The following ARL15 variants were observed in gnomAD, a reference collection of about 807,000 sequenced individuals.
The protein encoded by ARL15 is ADP-ribosylation factor-like protein 15.
In ARL15, 19 loss-of-function variants were observed where a neutral mutation model predicts 25.2. That is an observed-to-expected ratio of 0.75 (90% CI 0.53 to 1.10). The LOEUF (loss-of-function observed/expected upper bound fraction) is 1.10, where lower values mean the gene tolerates loss of function less well. Ranked by LOEUF, ARL15 falls within the 50% of genes least tolerant of loss-of-function variation. The pLI, the probability that ARL15 is intolerant of heterozygous loss-of-function variation, is 0.00. For missense variants in ARL15, 220 were observed against 246.0 expected, an observed-to-expected ratio of 0.89 and a Z score of 0.71; for synonymous variants, 94 against 86.8, an observed-to-expected ratio of 1.08 and a Z score of -0.46.
chr5:54,261,423 C>T (rs1328813101), intron 1 of ARL15, among the ~76,000 whole-genome samples: 1 of 152,002 alleles, frequency 6.6e-6, no homozygotes, highest in African/African-American at 2.4e-5. Flanking sequence ...TCGGTAGATT[C>T]CTGAAGGGTC....
At chr5:54,274,819 G>C (rs542362440) in intron 1 of ARL15, among the ~76,000 whole-genome samples, 1 of 152,188 alleles carries the variant, frequency 6.6e-6, no homozygotes, top group East Asian at 1.9e-4. Flanking sequence ...GCTTGAACCC[G>C]GGAGGCAGGG....
At chr5:54,267,547 A>G (rs1757662291) in intron 1 of ARL15, among the ~76,000 whole-genome samples, 2 of 152,186 alleles carry the variant, frequency 1.3e-5, no homozygotes, top group Admixed American at 6.5e-5. Context: ...CTTGTTATAA[A>G]TATCCAGATT....
intron 1 of ARL15, among the ~76,000 whole-genome samples, chr5:54,299,260 T>C (rs1303944303): frequency 2.6e-5 from 4 of 152,178 alleles, no homozygotes; most frequent in Non-Finnish European, 4.4e-5. Context: ...GCATGTATAC[T>C]ACACGCCAGC....
chr5:54,089,145 G>A (rs1002565909), intron 4 of ARL15, among the ~76,000 whole-genome samples: 1 of 152,156 alleles, frequency 6.6e-6, no homozygotes, highest in Non-Finnish European at 1.5e-5. Context: ...CCCGCCTCAG[G>A]AAGCTGGCTC....
At chr5:53,900,223 C>T (rs2111935452) in intron 4 of ARL15, among the ~76,000 whole-genome samples, 2 of 152,268 alleles carry the variant, frequency 1.3e-5, no homozygotes, top group East Asian at 3.9e-4. Context: ...CCGCAGGATA[C>T]AAATGCTGAA....
At chr5:53,907,489 T>TATATATTTTTG (rs1554025337) in intron 4 of ARL15, among the ~76,000 whole-genome samples, 25 of 16,942 alleles carry the variant, frequency 1.5e-3, no homozygotes, top group African/African-American at 7.0e-3. Context: ...TATATATATA[T>TATATATTTTTG]TTTTTTTTTT....
chr5:53,923,214 T>C (rs1203111427), intron 4 of ARL15, among the ~76,000 whole-genome samples: 1 of 152,124 alleles, frequency 6.6e-6, no homozygotes, highest in Non-Finnish European at 1.5e-5. Context: ...ATGGAACTCC[T>C]GAAACTCAAA....
At chr5:54,179,091 G>T (rs759699939) in intron 1 of ARL15, among the ~76,000 whole-genome samples, 8 of 152,176 alleles carry the variant, frequency 5.3e-5, no homozygotes. Context: ...CGTGGAACAG[G>T]ATTCAAACCC....
At chr5:54,105,031 C>T (rs1429934612) in intron 4 of ARL15, among the ~76,000 whole-genome samples, 2 of 151,230 alleles carry the variant, frequency 1.3e-5, no homozygotes, top group South Asian at 2.1e-4. Context: ...AAAGCAGACA[C>T]TATGTAATAA....
At chr5:54,077,391 G>C (rs1206604164) in intron 4 of ARL15, among the ~76,000 whole-genome samples, 1 of 152,150 alleles carries the variant, frequency 6.6e-6, no homozygotes, top group Non-Finnish European at 1.5e-5. Flanking sequence ...TTAATCACTA[G>C]AGAGATTATA....
At chr5:54,097,722 A>G (rs1006637956) in intron 4 of ARL15, among the ~76,000 whole-genome samples, 2 of 152,228 alleles carry the variant, frequency 1.3e-5, no homozygotes, top group African/African-American at 4.8e-5. Flanking sequence ...AAGGAGTAAA[A>G]GAAGAATAAG....
intron 3 of ARL15, among the ~76,000 whole-genome samples, chr5:54,153,952 C>A (rs244643): frequency 2.6e-5 from 4 of 151,972 alleles, no homozygotes; most frequent in African/African-American, 4.8e-5. Context: ...TATTTTCATG[C>A]GCCATTAGAG....
intron 4 of ARL15, among the ~76,000 whole-genome samples, chr5:53,918,806 C>T (rs1745744658): frequency 6.8e-6 from 1 of 147,544 alleles, no homozygotes; most frequent in Non-Finnish European, 1.5e-5. Context: ...TGAAATATAT[C>T]TTATAATTTG....
intron 4 of ARL15, among the ~76,000 whole-genome samples, chr5:54,099,627 C>G (rs1397619126): frequency 6.6e-6 from 1 of 152,062 alleles, no homozygotes; most frequent in Non-Finnish European, 1.5e-5. Flanking sequence ...AAAAAGCACT[C>G]CCATGACACT....
At chr5:54,157,534 C>T (rs1754275752) in intron 2 of ARL15, among the ~76,000 whole-genome samples, 1 of 152,108 alleles carries the variant, frequency 6.6e-6, no homozygotes, top group Non-Finnish European at 1.5e-5. Context: ...GCCTCAGCCT[C>T]CTGAGTAGCC....
chr5:54,284,248 A>C (rs956603327), intron 1 of ARL15, among the ~76,000 whole-genome samples: 1 of 152,070 alleles, frequency 6.6e-6, no homozygotes. Flanking sequence ...GGATTACAGG[A>C]GCATGCCACC....
chr5:54,198,975 C>G (rs1045329353), intron 1 of ARL15, among the ~76,000 whole-genome samples: 1 of 151,698 alleles, frequency 6.6e-6, no homozygotes, highest in Non-Finnish European at 1.5e-5. Flanking sequence ...CAGAACAGAG[C>G]CCTCAGAAAT....
At chr5:54,082,623 G>A (rs1034361287) in intron 4 of ARL15, among the ~76,000 whole-genome samples, 29 of 152,104 alleles carry the variant, frequency 1.9e-4, no homozygotes, top group African/African-American at 7.0e-4. Context: ...GATAAAATAG[G>A]AAGAAGCCCT....
At chr5:54,143,861 A>G (rs1462707436) in intron 3 of ARL15, among the ~76,000 whole-genome samples, 1 of 152,072 alleles carries the variant, frequency 6.6e-6, no homozygotes, top group African/African-American at 2.4e-5. Flanking sequence ...TTTCTTAAAA[A>G]TTCATTTATG....
Sources: gnomAD v4.1 joint callset for allele counts (sites outside exome capture counted in the v4.1 genomes callset) on GRCh38, gnomAD v4.1.1 for gene constraint, MANE v1.5 for transcripts, NCBI Gene and HGNC (gene_info 2026-07-23, HGNC 2026-07-21) for gene names.